Variants in RASGRF2 observed in about 807,000 individuals in gnomAD.
RASGRF2 encodes Ras protein specific guanine nucleotide releasing factor 2, also known as ras-specific guanine nucleotide-releasing factor 2.
In RASGRF2, 76 loss-of-function variants were observed where a neutral mutation model predicts 151.0. The observed-to-expected ratio is 0.50, with a 90% CI of 0.42 to 0.61. RASGRF2 has a LOEUF of 0.61. RASGRF2 is among the 20% of genes least tolerant of loss of function. The pLI, the probability that RASGRF2 is intolerant of heterozygous loss-of-function variation, is 0.00. For missense variants in RASGRF2, 1,148 were observed against 1,564.6 expected (o/e 0.73, Z 4.49); for synonymous variants, 504 against 566.5 (o/e 0.89, Z 1.57).
intron 12 of RASGRF2, among the ~76,000 whole-genome samples, chr5:81,098,842 G>A (rs1752619722): frequency 6.6e-6 from 1 of 152,140 alleles, no homozygotes; most frequent in African/African-American, 2.4e-5. Flanking sequence ...CATGGAATTA[G>A]TCTCTCAAGT....
At chr5:81,160,682 AAATAATAATAATAATAAT>A (rs531513005) in intron 17 of RASGRF2, among the ~76,000 whole-genome samples, 3 of 138,484 alleles carry the variant, frequency 2.2e-5, no homozygotes, top group African/African-American at 8.2e-5. Flanking sequence ...TCTGTCTCAA[AAATAATAATAATAATAAT>A]AATAATAATA....
At chr5:81,109,163 A>G (rs933360883) in intron 13 of RASGRF2, 85 bp downstream of exon 13, 50 of 1,496,242 alleles carry the variant, frequency 3.3e-5, no homozygotes, top group Middle Eastern at 1.8e-4. Context: ...TACTGTGTCA[A>G]TAGAATTCTG....
intron 17 of RASGRF2, among the ~76,000 whole-genome samples, chr5:81,165,012 G>C (rs111320738): frequency 0.024 from 3,670 of 152,326 alleles, 136 homozygotes; most frequent in African/African-American, 0.081. Flanking sequence ...GACAGGCGGA[G>C]CCAATCCGCA....
At chr5:80,969,454 CT>C (rs1336281599) in intron 1 of RASGRF2, among the ~76,000 whole-genome samples, 180 of 125,970 alleles carry the variant, frequency 1.4e-3, no homozygotes, top group Admixed American at 1.6e-3. Context: ...TTTCTTTTTT[CT>C]TTTTTTTTTT....
At chr5:81,175,399 A>G (rs932641812) in intron 17 of RASGRF2, among the ~76,000 whole-genome samples, 1 of 152,192 alleles carries the variant, frequency 6.6e-6, no homozygotes, top group African/African-American at 2.4e-5. Context: ...GTTGTAATCC[A>G]AGTGCACGGT....
At chr5:81,081,661 G>A (rs1462415554) in intron 7 of RASGRF2, among the ~76,000 whole-genome samples, 2 of 152,166 alleles carry the variant, frequency 1.3e-5, no homozygotes. Flanking sequence ...ACTGTGGAGC[G>A]CTTTGTCCTC....
chr5:81,175,717 T>C (rs968335796), intron 17 of RASGRF2, among the ~76,000 whole-genome samples: 1 of 145,484 alleles, frequency 6.9e-6, no homozygotes, highest in Non-Finnish European at 1.5e-5. Context: ...ATTGTGCCAT[T>C]GCACTCCAGC....
intron 12 of RASGRF2, among the ~76,000 whole-genome samples, chr5:81,107,766 A>G (rs1042617484): frequency 6.6e-6 from 1 of 152,258 alleles, no homozygotes; most frequent in African/African-American, 2.4e-5. Flanking sequence ...GGCCAAATTT[A>G]TAGGTAGATG....
intron 1 of RASGRF2, among the ~76,000 whole-genome samples, chr5:81,001,912 C>G (rs1452252677): frequency 6.6e-6 from 1 of 152,186 alleles, no homozygotes; most frequent in Admixed American, 6.5e-5. Flanking sequence ...CTGGTTTGAA[C>G]AAGGTCTTTG....
At chr5:80,988,514 T>C (rs1035388527) in intron 1 of RASGRF2, among the ~76,000 whole-genome samples, 1 of 152,204 alleles carries the variant, frequency 6.6e-6, no homozygotes, top group Admixed American at 6.5e-5. Flanking sequence ...TCTTAATTGA[T>C]GTATATAGTC....
intron 2 of RASGRF2, among the ~76,000 whole-genome samples, chr5:81,067,183 A>G (rs1015737947): frequency 6.6e-6 from 1 of 152,170 alleles, no homozygotes; most frequent in Non-Finnish European, 1.5e-5. Context: ...TATGAGATGA[A>G]ATAATGTATA....
At chr5:81,217,571 C>CTTCTTTTTTTT (rs1755768529) in intron 25 of RASGRF2, 98 bp downstream of exon 25, 1 of 360,392 alleles carries the variant, frequency 2.8e-6, no homozygotes. Context: ...TTTTTTTTCT[C>CTTCTTTTTTTT]TTCTTTTTTT....
At chr5:81,106,885 G>A (rs888802021) in intron 12 of RASGRF2, among the ~76,000 whole-genome samples, 1 of 152,152 alleles carries the variant, frequency 6.6e-6, no homozygotes, top group Non-Finnish European at 1.5e-5. Context: ...CATTTCTTCA[G>A]TGTGAAGAAG....
intron 16 of RASGRF2, 90 bp from the exon 17 acceptor site, chr5:81,126,984 A>G (rs186052391): frequency 1.4e-6 from 2 of 1,424,210 alleles, no homozygotes; most frequent in African/African-American, 1.4e-5. Context: ...CCAGTCCTTC[A>G]TCTGGTGCAG....
intron 1 of RASGRF2, among the ~76,000 whole-genome samples, chr5:80,962,917 A>C (rs990604654): frequency 2.0e-5 from 3 of 152,186 alleles, no homozygotes; most frequent in South Asian, 2.1e-4. Context: ...AGAGGTTAGA[A>C]ATTAGAATCT....
chr5:81,074,443 G>A (rs1751875937), intron 5 of RASGRF2, among the ~76,000 whole-genome samples: 1 of 152,154 alleles, frequency 6.6e-6, no homozygotes, highest in Admixed American at 6.5e-5. Flanking sequence ...ACAGCAGTTA[G>A]CAGTTGCACT....
Position 81,073,274 on chromosome 5 carries a change from C to T in RASGRF2, c.709C>T (p.His237Tyr). The change falls in exon 5 of 27, where the codon CAT becomes TAT. Residue 237 changes from histidine to tyrosine, a missense_variant. Transcript: ENST00000265080. Reference sequence around the variant, plus strand: ...CGTGCAGGATTACATTTGTTCTCCTCATGCTGAAAGTATGAGGAAGAGAAA... The same window carrying T: ...CGTGCAGGATTACATTTGTTCTCCTTATGCTGAAAGTATGAGGAAGAGAAA... ...TIVQDYICSP[H>Y]AESMRKRNQI... 1.2e-6 allele frequency: 2 copies of T among 1,613,882 alleles called. No individual in the cohort carries two copies. The highest frequency in any genetic ancestry group is 2.2e-5 in the South Asian group (2 of 91,082).
chr5:81,005,643 G>A (rs1749245135), intron 1 of RASGRF2, among the ~76,000 whole-genome samples: 2 of 152,224 alleles, frequency 1.3e-5, no homozygotes, highest in African/African-American at 4.8e-5. Flanking sequence ...TTCCTCAGCT[G>A]ATGGACTTTT....
At chr5:81,001,499 C>G (rs892297981) in intron 1 of RASGRF2, among the ~76,000 whole-genome samples, 1 of 152,108 alleles carries the variant, frequency 6.6e-6, no homozygotes, top group Non-Finnish European at 1.5e-5. Context: ...CATTCTGGGC[C>G]TCAGATCTTG....
Sources: allele counts gnomAD v4.1 joint callset (sites outside exome capture counted in the v4.1 genomes callset), GRCh38; gene constraint gnomAD v4.1.1; transcripts MANE v1.5; gene names NCBI Gene and HGNC (gene_info 2026-07-23, HGNC 2026-07-21).